Variants in SHANK2 observed in about 807,000 individuals in gnomAD.
SHANK2 encodes SH3 and multiple ankyrin repeat domains protein 2.
In SHANK2, 43 loss-of-function variants were observed where a neutral mutation model predicts 133.7. That is an observed-to-expected ratio of 0.32 (90% CI 0.25 to 0.41). The LOEUF (loss-of-function observed/expected upper bound fraction) is 0.41, where lower values mean the gene tolerates loss of function less well. Among genes scored for constraint, SHANK2 ranks in the 10% least tolerant of loss-of-function variants. The pLI is 1.00. For missense variants in SHANK2, 1,994 were observed against 2,235.8 expected (o/e 0.89, Z 2.18); for synonymous variants, 1,017 against 952.8 (o/e 1.07, Z -1.24).
chr11:70,877,971 G>A (rs1447805658), intron 11 of SHANK2, among the ~76,000 whole-genome samples: 8 of 152,190 alleles, frequency 5.3e-5, no homozygotes, highest in Admixed American at 2.6e-4. Context: ...AAGAGAAGAC[G>A]TTAACACCTG....
At chr11:70,498,126 A>T (rs1591505403) in intron 21 of SHANK2, among the ~76,000 whole-genome samples, 1 of 152,344 alleles carries the variant, frequency 6.6e-6, no homozygotes, top group Middle Eastern at 3.4e-3. Flanking sequence ...GGACCCTGTC[A>T]GTTCTCAACC....
chr11:71,144,220 A>G (rs1952605186), intron 3 of SHANK2, among the ~76,000 whole-genome samples: 1 of 152,178 alleles, frequency 6.6e-6, no homozygotes, highest in Non-Finnish European at 1.5e-5. Flanking sequence ...AAGTGTGCGC[A>G]TGCGTGCACC....
chr11:70,844,279 G>A (rs1948960744), intron 11 of SHANK2, among the ~76,000 whole-genome samples: 1 of 152,132 alleles, frequency 6.6e-6, no homozygotes, highest in Admixed American at 6.5e-5. Context: ...GGTCAGCAGA[G>A]CATGCCTTGA....
rs1254778029 is a variant in SHANK2, at chr11:70,701,984, CCAT to C, written c.1778-3224_1778-3222del. 9.3e-5 allele frequency among the ~76,000 whole-genome samples: 14 copies of C among 150,998 alleles called. 2 individuals carry two copies. The highest frequency in any genetic ancestry group is 6.6e-4 in the Admixed American group (10 of 15,186). Reference sequence around the variant, plus strand: ...ATCACCATAATTACTGCCATCATCACCATCATCATCACCACTATCATCATCATC... The same window carrying C: ...ATCACCATAATTACTGCCATCATCACCATCATCACCACTATCATCATCATC... On this transcript the variant is annotated intron_variant, in intron 14 of 25. Transcript: ENST00000601538.
At chr11:70,538,555 G>T (rs1353980757) in intron 17 of SHANK2, among the ~76,000 whole-genome samples, 1 of 152,240 alleles carries the variant, frequency 6.6e-6, no homozygotes, top group Admixed American at 6.5e-5. Context: ...CTGGCCCTTG[G>T]TCAGAGTAAA....
chr11:71,241,642 C>T (rs1555124436), intron 1 of SHANK2, among the ~76,000 whole-genome samples: 1 of 152,186 alleles, frequency 6.6e-6, no homozygotes, highest in Non-Finnish European at 1.5e-5. Context: ...GGGGCTGAAC[C>T]CACAAAGATG....
At chr11:71,068,073 C>T (rs1319011810) in intron 9 of SHANK2, among the ~76,000 whole-genome samples, 5 of 152,048 alleles carry the variant, frequency 3.3e-5, no homozygotes, top group Non-Finnish European at 7.4e-5. Flanking sequence ...ACAACCATCA[C>T]CATCACCACC....
At chr11:70,639,702 T>G (rs1385318703) in intron 17 of SHANK2, among the ~76,000 whole-genome samples, 1 of 152,096 alleles carries the variant, frequency 6.6e-6, no homozygotes, top group Non-Finnish European at 1.5e-5. Flanking sequence ...GTGGGGTGGG[T>G]GCAGGAAGGA....
At chr11:70,903,446 A>G (rs879959104) in intron 10 of SHANK2, among the ~76,000 whole-genome samples, 17 of 150,114 alleles carry the variant, frequency 1.1e-4, no homozygotes, top group Non-Finnish European at 2.4e-4. Flanking sequence ...AAAATAAAAT[A>G]AAATAAAATA....
rs1158482897 is a variant in SHANK2 at position 70,500,697 on chromosome 11, G to A, written c.2288-107C>T. On this transcript the variant is annotated intron_variant, in intron 20 of 25. Transcript: ENST00000601538. This position sits in a 1 kb window ranked among gnomAD's most constrained non-coding sequence, Gnocchi z 4.5. ...GGGCGCCTCAGGAGCAGGCTGGGCC[G>A]GCAATGGGGCGGCAGGCAGGGGCTG... The A allele has an allele frequency of 1.1e-5, 16 of 1,444,884 alleles. No individual in the cohort carries two copies. Among genetic ancestry groups the A allele is most frequent in the Middle Eastern group, 1.7e-4 (1 of 5,750 alleles). 89.5% of individuals were successfully genotyped at this position (1,444,884 alleles called of 1,614,324 possible).
intron 15 of SHANK2, among the ~76,000 whole-genome samples, chr11:70,680,917 C>T (rs1555018251): frequency 2.0e-5 from 3 of 152,154 alleles, no homozygotes; most frequent in African/African-American, 7.2e-5. Flanking sequence ...GCAGGCAGGT[C>T]CTGCGGCCGA....
intron 17 of SHANK2, among the ~76,000 whole-genome samples, chr11:70,610,869 G>A (rs1006843084): frequency 3.9e-5 from 6 of 152,158 alleles, no homozygotes; most frequent in African/African-American, 7.2e-5. Context: ...CAAGAATGAC[G>A]GAAATCTTTC....
chr11:70,795,076 C>T (rs1247445486), intron 14 of SHANK2, among the ~76,000 whole-genome samples: 6 of 152,200 alleles, frequency 3.9e-5, no homozygotes, highest in Non-Finnish European at 7.3e-5. Context: ...ATCCTCCCCG[C>T]CCTCCTCGAC....
intron 17 of SHANK2, among the ~76,000 whole-genome samples, chr11:70,629,480 T>A (rs1348478447): frequency 6.6e-6 from 1 of 152,052 alleles, no homozygotes; most frequent in East Asian, 1.9e-4. Flanking sequence ...GGTTCCGGCC[T>A]GGCGGGAGAG....
intron 11 of SHANK2, chr11:70,863,836 G>A (rs1367698876): frequency 1.3e-5 from 6 of 457,678 alleles, no homozygotes; most frequent in Non-Finnish European, 1.8e-5. Flanking sequence ...GGAAGAAACC[G>A]AGTGAGGATG....
rs527525809 is a variant in SHANK2, at chr11:71,175,659, G to A, written c.-12-28321C>T. Among the ~76,000 whole-genome samples the A allele has an allele frequency of 4.6e-5, 7 of 150,996 alleles. No individual in the cohort carries two copies. The highest frequency in any genetic ancestry group is 4.2e-4 in the South Asian group (2 of 4,776). On this transcript the variant is annotated intron_variant, in intron 2 of 25. Transcript: ENST00000601538. The surrounding 1 kb of genome is among the most constrained non-coding windows in gnomAD (Gnocchi z 4.2). ...TGGAGGAAGGGAAACTGGATTTAGC[G>A]TCCTACCTGAAACCACCCAAAATAT...
At chr11:70,664,818 C>T (rs1257610066) in intron 15 of SHANK2, among the ~76,000 whole-genome samples, 1 of 152,226 alleles carries the variant, frequency 6.6e-6, no homozygotes, top group African/African-American at 2.4e-5. Context: ...CAGGCTTTGG[C>T]ATCACACGGA....
At chr11:70,530,184 C>T (rs2059449548) in intron 17 of SHANK2, among the ~76,000 whole-genome samples, 4 of 152,160 alleles carry the variant, frequency 2.6e-5, no homozygotes, top group Non-Finnish European at 5.9e-5. Flanking sequence ...AGTGGATAAA[C>T]AAAATGTGGT....
rs868956811 is a variant in SHANK2, at chr11:71,126,996, C to T, written c.208-7964G>A. On this transcript the variant is annotated intron_variant, in intron 3 of 25. Transcript: ENST00000601538. ...CTGGGACTACAGGCTTGAGCCACCG[C>T]GCCCAGCTAAGAATATTCACGATTC... Among the ~76,000 whole-genome samples, 5 of 152,180 alleles carry T rather than the reference C, an allele frequency of 3.3e-5. No homozygotes were observed. In the South Asian group the frequency reaches 8.3e-4, roughly 25 times the overall value.
Sources: gnomAD v4.1 joint callset for allele counts (sites outside exome capture counted in the v4.1 genomes callset) on GRCh38, gnomAD v4.1.1 for gene constraint, Gnocchi (gnomAD v3.1) non-coding constraint, MANE v1.5 for transcripts, NCBI Gene and HGNC (gene_info 2026-07-23, HGNC 2026-07-21) for gene names.